The following MAGEB1 variants were observed in gnomAD, a reference collection of about 807,000 sequenced individuals.
MAGEB1 encodes the protein melanoma-associated antigen B1.
For synonymous variants in MAGEB1, 99 were observed against 105.7 expected (o/e 0.94, Z 0.39); for missense variants, 290 against 286.7 (o/e 1.01, Z -0.08).
At position 30,249,657 on chromosome X, in the gene MAGEB1, A is replaced by G. The variant is rs766546878; in HGVS notation, c.-60-777A>G. Among the ~76,000 whole-genome samples the G allele has an allele frequency of 8.2e-4, 92 of 111,557 alleles. 1 individual carries two copies. The highest frequency in any genetic ancestry group is 2.5e-3 in the African/African-American group (78 of 30,719). ...GAGAATATGGGCATTGTGACCAGAT[A>G]CAGCCACCCTCATTTCCTCCATTGG... is the stretch of plus-strand genomic sequence containing the variant. On this transcript the variant is annotated intron_variant, in intron 1 of 1. Transcript: ENST00000397548.
At chrX:30,246,634 T>C (rs1925313729), upstream of MAGEB1, among the ~76,000 whole-genome samples, 1 of 111,836 alleles carries the variant, frequency 8.9e-6, no homozygotes. Flanking sequence ...TGTAGGGCTT[T>C]TAAGTGTTAA....
At position 30,251,834 on chromosome X, in the gene MAGEB1, A is replaced by T; in HGVS notation, c.*297A>T. 4.0e-6 allele frequency: 1 copy of T among 250,594 alleles called. No homozygotes were observed. Among genetic ancestry groups the T allele is most frequent in the East Asian group, 6.9e-5 (1 of 14,506 alleles). 20.7% of individuals were successfully genotyped at this position (250,594 alleles called of 1,213,427 possible). ...TTTTTGGGTTGAAGAAGAAGAAAGC[A>T]TAGCTTTAGAATAGAGATTTTCTCA... On this transcript the variant is annotated 3_prime_UTR_variant, in exon 2 of 2. Coordinates refer to ENST00000397548, the MANE Select transcript of MAGEB1 (RefSeq NM_177404.3).
chrX:30,250,472 G>A lies in MAGEB1; in HGVS notation c.-22G>A. On this transcript the variant is annotated 5_prime_UTR_variant, in exon 2 of 2. Transcript: ENST00000397548. Reference sequence around the variant, plus strand: ...TGCCTTTCTGCTCACTTTCCTGCCTGTTTTGCCTGACCACAGCCATCATGC... The same window carrying A: ...TGCCTTTCTGCTCACTTTCCTGCCTATTTTGCCTGACCACAGCCATCATGC... 1.7e-6 allele frequency: 2 copies of A among 1,156,391 alleles called. No homozygotes were observed. The highest frequency in any genetic ancestry group is 2.3e-6 in the Non-Finnish European group (2 of 866,080).
At chrX:30,250,411 G>A in intron 1 of MAGEB1, 23 bp from the exon 2 acceptor site, 1 of 832,041 alleles carries the variant, frequency 1.2e-6, no homozygotes, top group Non-Finnish European at 1.7e-6. Flanking sequence ...AGTACTCACA[G>A]GATCTCATTC....
In MAGEB1 at chrX:30,250,547, G is replaced by A. The variant is rs1234340016; in HGVS notation, c.54G>A (p.Ala18=). ...KLRAREKRRK[A]REETQGLKVA... ...GTGCTCGTGAGAAACGCCGCAAGGC[G>A]CGAGAGGAGACCCAGGGTCTCAAGG... Residue 18 remains alanine, a synonymous_variant, in exon 2 of 2, where the codon GCG becomes GCA. Transcript: ENST00000397548. 9 of 1,208,465 alleles carry A rather than the reference G, an allele frequency of 7.4e-6. No homozygotes were observed. The highest frequency in any genetic ancestry group is 5.3e-5 in the South Asian group (3 of 56,083).
chrX:30,249,994 T>C (rs762750103), intron 1 of MAGEB1, among the ~76,000 whole-genome samples: 1 of 111,336 alleles, frequency 9.0e-6, no homozygotes, highest in South Asian at 3.9e-4. Flanking sequence ...AACTTAGATA[T>C]AGATGAGATG....
At chrX:30,248,332 G>A (rs1262662493) in intron 1 of MAGEB1, among the ~76,000 whole-genome samples, 3 of 111,825 alleles carry the variant, frequency 2.7e-5, no homozygotes, top group African/African-American at 9.8e-5. Context: ...GGAGTCATAC[G>A]CCAAGACAGG....
chrX:30,243,939 GTTCT>G (rs1349032143), upstream of MAGEB1: 1 of 124,164 alleles, frequency 8.1e-6, no homozygotes, highest in Non-Finnish European at 1.9e-5. Context: ...GTTTTTCAGT[GTTCT>G]TTTTTTAAAT....
chrX:30,250,039 C>T (rs1161280802), intron 1 of MAGEB1, among the ~76,000 whole-genome samples: 1 of 111,431 alleles, frequency 9.0e-6, no homozygotes, highest in Non-Finnish European at 1.9e-5. Flanking sequence ...CCAACTAGCC[C>T]AGGACAGAGA....
chrX:30,250,960 G>A lies in MAGEB1; in HGVS notation c.467G>A (p.Arg156His), dbSNP rs373877042. The A allele has an allele frequency of 2.6e-5, 31 of 1,209,814 alleles. No homozygotes were observed. The highest frequency in any genetic ancestry group is 3.0e-5 in the Non-Finnish European group (27 of 894,918). ...GAGATCCTCAATGGAGCCTCTCGCC[G>A]CTTGGAGCTCGTCTTTGGCCTTGAT... ...FTEILNGASR[R>H]LELVFGLDLK... The change falls in exon 2 of 2, where the codon CGC becomes CAC. Residue 156 changes from arginine (R) to histidine (H), a missense_variant. Physicochemically the swap from Arg to His is conservative, Grantham distance 29. Coordinates refer to ENST00000397548, the MANE Select transcript of MAGEB1 (RefSeq NM_177404.3).
intron 1 of MAGEB1, 38 bp from the exon 2 acceptor site, chrX:30,250,395 GC>G: frequency 2.7e-6 from 2 of 733,176 alleles, no homozygotes; most frequent in Non-Finnish European, 2.0e-6. Flanking sequence ...GTACCTCCCT[GC>G]TGCAAGTACT....
intron 1 of MAGEB1, 161 bp downstream of exon 1, chrX:30,247,417 G>C (rs1049506807): frequency 2.7e-5 from 3 of 112,481 alleles, no homozygotes; most frequent in Non-Finnish European, 5.6e-5. Flanking sequence ...CTTAAGGAGT[G>C]GGGTGCAGCG....
At chrX:30,248,346 C>T (rs1476970567) in intron 1 of MAGEB1, among the ~76,000 whole-genome samples, 2 of 111,810 alleles carry the variant, frequency 1.8e-5, no homozygotes, top group Admixed American at 1.9e-4. Flanking sequence ...AGACAGGTGT[C>T]AAGGTACAAT....
Position 30,251,469 on chromosome X carries a change from C to T in MAGEB1, c.976C>T (p.Arg326Cys), listed in dbSNP as rs182008451. ...QVRSSVRARRRTTATTFRARS... is the reference protein window; with the variant it reads ...QVRSSVRARRCTTATTFRARS... ...CCGATCCAGTGTTAGAGCCAGGCGT[C>T]GCACTACTGCCACGACTTTTAGAGC... Residue 326 changes from arginine (R) to cysteine (C), a missense_variant, in exon 2 of 2, where the codon CGC becomes TGC. Transcript: ENST00000397548. The T allele has an allele frequency of 3.5e-5, 42 of 1,210,042 alleles. No individual in the cohort carries two copies. The highest frequency in any genetic ancestry group is 5.2e-5 in the African/African-American group (3 of 57,231).
chrX:30,244,764 T>A (rs1209445685), upstream of MAGEB1, among the ~76,000 whole-genome samples: 1 of 111,873 alleles, frequency 8.9e-6, no homozygotes, highest in Non-Finnish European at 1.9e-5. Context: ...ACTTTGGGAT[T>A]GTGGAAAAAC....
At chrX:30,245,861 G>A (rs1925289199), upstream of MAGEB1, among the ~76,000 whole-genome samples, 1 of 112,291 alleles carries the variant, frequency 8.9e-6, no homozygotes, top group Admixed American at 9.4e-5. Context: ...CTACCCTTTG[G>A]TTGGTGAAGT....
In MAGEB1 at chrX:30,251,170, T is replaced by C. The variant is rs1016915979; in HGVS notation, c.677T>C (p.Val226Ala). Residue 226 changes from valine (V) to alanine (A), a missense_variant, in exon 2 of 2, where the codon GTG becomes GCG. Val to Ala is a moderately conservative substitution (Grantham distance 64). Transcript: ENST00000397548. ...GAAGAGATCTGGAAATTCATGAATG[T>C]GTTGGGAGCCTATGATGGAGAGGAG... ...TEEEIWKFMN[V>A]LGAYDGEEHL... 5 of 1,210,398 alleles carry C rather than the reference T, an allele frequency of 4.1e-6. No individual in the cohort carries two copies. The African/African-American group carries it at 8.7e-5, about 21-fold the overall frequency.
chrX:30,244,538 AAAG>A (rs1925247507), upstream of MAGEB1, among the ~76,000 whole-genome samples: 1 of 112,264 alleles, frequency 8.9e-6, no homozygotes, highest in Admixed American at 9.4e-5. Flanking sequence ...AGGGGATAAA[AAAG>A]AAGGTGGGGG....
chrX:30,247,946 GAAAAAAAAAAAA>G (rs57368527), intron 1 of MAGEB1, among the ~76,000 whole-genome samples: 1 of 45,936 alleles, frequency 2.2e-5, no homozygotes, highest in African/African-American at 1.0e-4. Flanking sequence ...TCAGTCTCAA[GAAAAAAAAAAAA>G]AAAAAAAAAA....
Sources: allele counts gnomAD v4.1 joint callset (sites outside exome capture counted in the v4.1 genomes callset), GRCh38; gene constraint gnomAD v4.1.1; transcripts MANE v1.5; gene names NCBI Gene and HGNC (gene_info 2026-07-23, HGNC 2026-07-21).